The following EMC2 variants were observed in gnomAD, a reference collection of about 807,000 sequenced individuals.
The protein encoded by EMC2 is TPR repeat protein 35.
A neutral mutation model predicts 51.6 loss-of-function variants in EMC2; 37 were observed. The ratio of observed to expected loss-of-function variants is 0.72; its 90% CI spans 0.55 to 0.94. The LOEUF (loss-of-function observed/expected upper bound fraction) is 0.94, where lower values mean the gene tolerates loss of function less well. Ranked by LOEUF, EMC2 falls within the 40% of genes least tolerant of loss-of-function variation. The probability of loss-of-function intolerance (pLI) is 0.00; values close to 1 mark genes in which losing one functional copy is unlikely to be tolerated. For missense variants in EMC2, 359 were observed against 350.9 expected, an observed-to-expected ratio of 1.02 and a Z score of -0.18; for synonymous variants, 131 against 112.4, an observed-to-expected ratio of 1.17 and a Z score of -1.04.
At chr8:108,452,962 T>A in intron 3 of EMC2, 100 bp from the exon 4 acceptor site, 1 of 485,398 alleles carries the variant, frequency 2.1e-6, no homozygotes, top group Non-Finnish European at 3.7e-6. Context: ...ATGACACTAA[T>A]GAAATTATTC....
chr8:108,476,361 A>G (rs62536010), intron 8 of EMC2, among the ~76,000 whole-genome samples: 34,372 of 151,744 alleles, frequency 0.23, 4,813 homozygotes, highest in East Asian at 0.41. Context: ...TAGCAGTACA[A>G]CTGAATGCTA....
At chr8:108,468,385 C>T (rs1245823956) in intron 5 of EMC2, among the ~76,000 whole-genome samples, 3 of 152,072 alleles carry the variant, frequency 2.0e-5, no homozygotes, top group African/African-American at 7.2e-5. Context: ...CTTGTGCCTA[C>T]TATGTGACAG....
intron 8 of EMC2, among the ~76,000 whole-genome samples, chr8:108,476,309 A>G (rs115036931): frequency 0.014 from 2,086 of 151,982 alleles, 55 homozygotes; most frequent in African/African-American, 0.048. Context: ...ATTAAAGCCA[A>G]TTGGGACATA....
chr8:108,449,400 G>A (rs912803347), intron 1 of EMC2, among the ~76,000 whole-genome samples: 1 of 152,118 alleles, frequency 6.6e-6, no homozygotes, highest in African/African-American at 2.4e-5. Flanking sequence ...AGCCTCCTGA[G>A]TAGCTGGGAT....
At chr8:108,459,781 C>G (rs1391455444) in intron 5 of EMC2, among the ~76,000 whole-genome samples, 3 of 150,248 alleles carry the variant, frequency 2.0e-5, no homozygotes, top group Admixed American at 6.6e-5. Flanking sequence ...TAGCTGAGAA[C>G]TTTCATTATT....
intron 1 of EMC2, among the ~76,000 whole-genome samples, chr8:108,447,213 C>G (rs1818898109): frequency 6.6e-6 from 1 of 150,416 alleles, no homozygotes; most frequent in Non-Finnish European, 1.5e-5. Flanking sequence ...CCCCACTGCC[C>G]CCCCACCCCC....
chr8:108,445,999 C>T (rs1242888265), intron 1 of EMC2, among the ~76,000 whole-genome samples: 5 of 152,136 alleles, frequency 3.3e-5, no homozygotes, highest in Non-Finnish European at 7.4e-5. Flanking sequence ...CCAAAAGCTC[C>T]TCCTTTCTCC....
intron 3 of EMC2, among the ~76,000 whole-genome samples, chr8:108,451,334 A>G (rs966424678): frequency 2.6e-5 from 4 of 151,708 alleles, no homozygotes; most frequent in African/African-American, 9.8e-5. Flanking sequence ...TTGAGCCTTC[A>G]TAATTATTTC....
At chr8:108,450,564 G>A in intron 3 of EMC2, 72 bp downstream of exon 3, 1 of 876,164 alleles carries the variant, frequency 1.1e-6, no homozygotes, top group Non-Finnish European at 2.0e-6. Context: ...CTTAATGTAT[G>A]GCTTATATGG....
chr8:108,443,783 T>G (rs1818809323), intron 1 of EMC2, 85 bp downstream of exon 1: 1 of 1,220,044 alleles, frequency 8.2e-7, no homozygotes, highest in Non-Finnish European at 1.2e-6. Context: ...GGGAGCTGGG[T>G]TCTCTGGTGT....
At chr8:108,456,565 C>CT (rs1819165952) in intron 5 of EMC2, among the ~76,000 whole-genome samples, 1 of 151,752 alleles carries the variant, frequency 6.6e-6, no homozygotes, top group Admixed American at 6.6e-5. Context: ...TTTGTTTTTG[C>CT]TTTTTTCTGC....
rs967996683 is a variant in EMC2 at position 108,488,999 on chromosome 8, AG to A, written c.*2403del. 2.6e-5 allele frequency among the ~76,000 whole-genome samples: 4 copies of A among 152,312 alleles called. No homozygotes were observed. The highest frequency in any genetic ancestry group is 9.6e-5 in the African/African-American group (4 of 41,572). On this transcript the variant is annotated 3_prime_UTR_variant, in exon 11 of 11. Coordinates refer to ENST00000220853, the MANE Select transcript of EMC2 (RefSeq NM_014673.5). Reference sequence around the variant, plus strand: ...TCTTTCTGGCCAACAGCATGCCTAAAGGTGCAGCTGCCATCAAACAACCATG... The same window carrying A: ...TCTTTCTGGCCAACAGCATGCCTAAAGTGCAGCTGCCATCAAACAACCATG...
At chr8:108,478,011 T>G (rs1479514544) in intron 9 of EMC2, among the ~76,000 whole-genome samples, 1 of 151,642 alleles carries the variant, frequency 6.6e-6, no homozygotes, top group Non-Finnish European at 1.5e-5. Flanking sequence ...AACTCCAGAG[T>G]TTTTCTCGTA....
chr8:108,485,729 G>A (rs1007068005), intron 10 of EMC2, among the ~76,000 whole-genome samples: 4 of 150,450 alleles, frequency 2.7e-5, no homozygotes, highest in Non-Finnish European at 4.4e-5. Flanking sequence ...TTTCCCTCCA[G>A]CGGTTATGTG....
At chr8:108,455,124 T>G (rs1483215604) in intron 4 of EMC2, among the ~76,000 whole-genome samples, 1 of 152,074 alleles carries the variant, frequency 6.6e-6, no homozygotes, top group Non-Finnish European at 1.5e-5. Context: ...ATCATAAGTT[T>G]AGGAAAATTT....
chr8:108,472,364 A>G (rs1474326128), intron 7 of EMC2, among the ~76,000 whole-genome samples: 1 of 151,876 alleles, frequency 6.6e-6, no homozygotes, highest in African/African-American at 2.4e-5. Context: ...ACAGAGGTGA[A>G]TGTACACTTA....
In EMC2 at chr8:108,455,894, A is replaced by G. The variant is rs746136980; in HGVS notation, c.327A>G (p.Leu109=). ...ATAGATATGATGATGCTATACAGCTATATGATAGGATTTTACAAGAAGATC... is the reference window on the plus strand; with the variant it reads ...ATAGATATGATGATGCTATACAGCTGTATGATAGGATTTTACAAGAAGATC... ...AMERYDDAIQ[L]YDRILQEDPT... is the part of the protein sequence containing the mutation. The change falls in exon 5 of 11, where the codon CTA becomes CTG. Residue 109 remains leucine (L), a synonymous_variant. Transcript: ENST00000220853. The G allele has an allele frequency of 4.5e-6, 6 of 1,341,048 alleles. No homozygotes were observed. Among genetic ancestry groups the G allele is most frequent in the East Asian group, 2.6e-5 (1 of 38,374 alleles). 83.1% of individuals were successfully genotyped at this position (1,341,048 alleles called of 1,614,324 possible).
chr8:108,451,695 G>A (rs747467811), intron 3 of EMC2, among the ~76,000 whole-genome samples: 7 of 152,060 alleles, frequency 4.6e-5, no homozygotes, highest in Non-Finnish European at 1.0e-4. Flanking sequence ...CTTGAGAGAG[G>A]TTTTTATTTT....
intron 10 of EMC2, among the ~76,000 whole-genome samples, chr8:108,480,596 T>G (rs1310733344): frequency 6.6e-6 from 1 of 152,152 alleles, no homozygotes; most frequent in Non-Finnish European, 1.5e-5. Flanking sequence ...TGCTCTCACT[T>G]TAAATGTTAC....
Sources: allele counts gnomAD v4.1 joint callset (sites outside exome capture counted in the v4.1 genomes callset), GRCh38; gene constraint gnomAD v4.1.1; transcripts MANE v1.5; gene names NCBI Gene and HGNC (gene_info 2026-07-23, HGNC 2026-07-21).